Variants in CTNNA2 observed in about 807,000 individuals in gnomAD.
The protein encoded by CTNNA2 is catenin alpha-2.
CTNNA2 carries 42 observed loss-of-function variants against 101.0 expected under a neutral mutation model. The observed-to-expected ratio is 0.42, with a 90% confidence interval of 0.32 to 0.54. The LOEUF (loss-of-function observed/expected upper bound fraction) is 0.54, where lower values mean the gene tolerates loss of function less well. Ranked by LOEUF, CTNNA2 falls within the 20% of genes least tolerant of loss-of-function variation. The pLI is 0.14. For missense variants in CTNNA2, 871 were observed against 1,223.1 expected (o/e 0.71, Z 4.29); for synonymous variants, 450 against 456.4 (o/e 0.99, Z 0.18).
chr2:80,230,499 G>T (rs1299465104), intron 7 of CTNNA2, among the ~76,000 whole-genome samples: 1 of 151,992 alleles, frequency 6.6e-6, no homozygotes, highest in Non-Finnish European at 1.5e-5. Context: ...AGGAATCCAG[G>T]TGTAAGCCAA....
At chr2:80,031,513 T>C (rs1695285262) in intron 7 of CTNNA2, among the ~76,000 whole-genome samples, 1 of 152,156 alleles carries the variant, frequency 6.6e-6, no homozygotes, top group Non-Finnish European at 1.5e-5. Flanking sequence ...TGAGACTTAT[T>C]TACTATCGTG....
chr2:79,342,754 C>G (rs1456995905), intron 3 of CTNNA2, among the ~76,000 whole-genome samples: 1 of 152,160 alleles, frequency 6.6e-6, no homozygotes. Flanking sequence ...CATGTTGGTA[C>G]TCTTGGGATG....
intron 2 of CTNNA2, among the ~76,000 whole-genome samples, chr2:79,242,134 C>T (rs1558584242): frequency 2.0e-5 from 3 of 152,020 alleles, no homozygotes. Context: ...TCTCGATCTC[C>T]TGACCTCATG....
At chr2:79,664,192 C>T (rs1315565556) in intron 2 of CTNNA2, among the ~76,000 whole-genome samples, 1 of 152,136 alleles carries the variant, frequency 6.6e-6, no homozygotes, top group Non-Finnish European at 1.5e-5. Context: ...ATTGCATATG[C>T]ATGTGTCCAC....
intron 7 of CTNNA2, among the ~76,000 whole-genome samples, chr2:80,131,786 A>G (rs1258671562): frequency 6.6e-6 from 1 of 152,196 alleles, no homozygotes; most frequent in Non-Finnish European, 1.5e-5. Context: ...TGTGTAGGTT[A>G]TTAAAAACTA....
intron 4 of CTNNA2, among the ~76,000 whole-genome samples, chr2:79,489,523 G>A (rs60486368): frequency 6.6e-6 from 1 of 152,082 alleles, no homozygotes; most frequent in African/African-American, 2.4e-5. Flanking sequence ...GGGCTTTCTG[G>A]TAAGCAGGGC....
At chr2:79,212,670 A>G (rs1288982519) in intron 2 of CTNNA2, among the ~76,000 whole-genome samples, 3 of 147,216 alleles carry the variant, frequency 2.0e-5, no homozygotes. Flanking sequence ...CCGAGTAATT[A>G]TGTCTGACAG....
At chr2:79,594,082 T>G (rs1677039555) in intron 1 of CTNNA2, among the ~76,000 whole-genome samples, 1 of 151,858 alleles carries the variant, frequency 6.6e-6, no homozygotes, top group Non-Finnish European at 1.5e-5. Context: ...AGAGATGAGG[T>G]TTCACCATGT....
intron 9 of CTNNA2, among the ~76,000 whole-genome samples, chr2:80,537,994 T>C (rs981755209): frequency 5.9e-5 from 9 of 152,246 alleles, no homozygotes; most frequent in African/African-American, 2.2e-4. Flanking sequence ...TGATGAGCTT[T>C]TTTTCATATG....
At chr2:79,506,173 T>A (rs1328695620) in intron 5 of CTNNA2, among the ~76,000 whole-genome samples, 1 of 152,164 alleles carries the variant, frequency 6.6e-6, no homozygotes, top group African/African-American at 2.4e-5. Context: ...ATGTGTGCAT[T>A]TGTATGTAAA....
intron 7 of CTNNA2, among the ~76,000 whole-genome samples, chr2:80,306,674 A>T (rs141551875): frequency 6.6e-6 from 1 of 151,936 alleles, no homozygotes; most frequent in African/African-American, 2.4e-5. Context: ...TGATGGAGCC[A>T]TAAACTCTAA....
At chr2:79,578,982 A>C (rs1187518369) in intron 1 of CTNNA2, among the ~76,000 whole-genome samples, 1 of 152,048 alleles carries the variant, frequency 6.6e-6, no homozygotes, top group Non-Finnish European at 1.5e-5. Flanking sequence ...GTCATATTTG[A>C]CATTACTACT....
intron 7 of CTNNA2, among the ~76,000 whole-genome samples, chr2:80,235,007 T>G (rs1375690977): frequency 2.0e-5 from 3 of 152,148 alleles, no homozygotes; most frequent in Non-Finnish European, 4.4e-5. Flanking sequence ...AATCACTTGT[T>G]TATAAAATTT....
rs58979020 is a variant in CTNNA2, at chr2:79,191,876, G to T, written c.-523-6083G>T. ...TAACATCAAAATGTGATAAAATTAG[G>T]CTGTATATGTGAAAATGTGAAATGG... On this transcript the variant is annotated intron_variant, in intron 1 of 21. Coordinates refer to the CTNNA2 transcript ENST00000466387. Among the ~76,000 whole-genome samples the T allele has an allele frequency of 4.6e-4, 70 of 152,160 alleles. 1 individual carries two copies. The East Asian group carries it at 0.014, about 29-fold the overall frequency.
intron 7 of CTNNA2, among the ~76,000 whole-genome samples, chr2:80,274,846 A>G (rs1478149284): frequency 6.6e-6 from 1 of 152,150 alleles, no homozygotes; most frequent in African/African-American, 2.4e-5. Context: ...TCTTGAAGGC[A>G]TTTACTGGTC....
chr2:80,212,541 A>C (rs1254491833), intron 7 of CTNNA2, among the ~76,000 whole-genome samples: 2 of 152,058 alleles, frequency 1.3e-5, no homozygotes, highest in South Asian at 4.1e-4. Context: ...CATATGTTGA[A>C]CCAGCCTTGC....
chr2:79,718,945 G>A (rs1393380264), intron 2 of CTNNA2, among the ~76,000 whole-genome samples: 1 of 151,806 alleles, frequency 6.6e-6, no homozygotes, highest in African/African-American at 2.4e-5. Context: ...TTCTGATACA[G>A]GGGGTACATG....
rs751309907 is a variant in CTNNA2, at chr2:80,515,151, CT to C, written c.1291-29817del. Among the ~76,000 whole-genome samples, 305 of 143,726 alleles carry C rather than the reference CT, an allele frequency of 2.1e-3. 1 individual carries two copies. The highest frequency in any genetic ancestry group is 8.9e-3 in the South Asian group (40 of 4,496). The allele number at this position is 143,726 out of a possible 152,430, so 94.3% of individuals were successfully genotyped here. A position where few individuals can be genotyped will look rare whatever the true frequency, so the allele number is the denominator to read the frequency against. On this transcript the variant is annotated intron_variant, in intron 9 of 18. Transcript: ENST00000402739. The stretch of plus-strand genomic sequence containing the variant: ...AACAATTTCTAGGTGAATTGCCCAT[CT>C]TTTTTTTTTTTTTCCCCCTTGGAAA...
In CTNNA2 at chr2:80,484,480, T is replaced by C. The variant is rs567611437; in HGVS notation, c.1291-60502T>C. Among the ~76,000 whole-genome samples the C allele has an allele frequency of 3.9e-5, 6 of 152,200 alleles. No individual in the cohort carries two copies. The South Asian group carries it at 1.0e-3, about 26-fold the overall frequency. On this transcript the variant is annotated intron_variant, in intron 9 of 18. Transcript: ENST00000402739. ...GCTGTTCGGCGAAAAAGGAATATGA[T>C]TGAAATATGTAAACAAACCTCTGAT...
Sources: gnomAD v4.1 joint callset for allele counts (sites outside exome capture counted in the v4.1 genomes callset) on GRCh38, gnomAD v4.1.1 for gene constraint, MANE v1.5 for transcripts, NCBI Gene and HGNC (gene_info 2026-07-23, HGNC 2026-07-21) for gene names.